Variants in TRDN observed in about 807,000 individuals in gnomAD.
TRDN encodes the protein triadin in skeletal muscle.
A neutral mutation model predicts 149.7 loss-of-function variants in TRDN; 161 were observed. The observed-to-expected ratio is 1.08, with a 90% CI of 0.95 to 1.23. The LOEUF is 1.23. Ranked by LOEUF, TRDN falls within the 50% of genes most tolerant of loss-of-function variation. The probability of loss-of-function intolerance (pLI) is 0.00; values close to 1 mark genes in which losing one functional copy is unlikely to be tolerated. For synonymous variants in TRDN, 294 were observed against 250.5 expected (o/e 1.17, Z -1.64); for missense variants, 896 against 823.5 (o/e 1.09, Z -1.08).
chr6:123,347,962 TGA>T (rs1349920620), intron 21 of TRDN, among the ~76,000 whole-genome samples: 3 of 152,056 alleles, frequency 2.0e-5, no homozygotes, highest in African/African-American at 7.2e-5. Context: ...ATTTCTTCTT[TGA>T]AGACCAAAGT....
intron 24 of TRDN, among the ~76,000 whole-genome samples, chr6:123,304,083 G>C (rs1187685382): frequency 1.3e-5 from 2 of 151,998 alleles, no homozygotes; most frequent in Non-Finnish European, 2.9e-5. Context: ...TGACTTCCAT[G>C]AGATAAGAGC....
intron 38 of TRDN, among the ~76,000 whole-genome samples, chr6:123,241,903 C>A (rs1458665830): frequency 6.6e-6 from 1 of 152,038 alleles, no homozygotes; most frequent in Non-Finnish European, 1.5e-5. Context: ...AAAGTTAAAC[C>A]TCCGCATACA....
chr6:123,260,749 T>C (rs1449140565), intron 33 of TRDN, 111 bp from the exon 34 acceptor site: 13 of 917,048 alleles, frequency 1.4e-5, no homozygotes, highest in African/African-American at 1.7e-5. Context: ...CTGATATTTC[T>C]TCCTAAATTA....
chr6:123,305,474 T>C (rs1047161378), intron 24 of TRDN, among the ~76,000 whole-genome samples: 6 of 152,148 alleles, frequency 3.9e-5, no homozygotes, highest in Non-Finnish European at 8.8e-5. Flanking sequence ...AGTGGTAAAA[T>C]GAGAACTGCT....
chr6:123,585,284 G>T (rs1240410092), intron 1 of TRDN, among the ~76,000 whole-genome samples: 1 of 151,904 alleles, frequency 6.6e-6, no homozygotes, highest in Non-Finnish European at 1.5e-5. Flanking sequence ...AACTGGGCAG[G>T]TGGGGATAAT....
intron 35 of TRDN, 127 bp from the exon 36 acceptor site, chr6:123,256,029 T>C: frequency 4.8e-6 from 2 of 412,606 alleles, no homozygotes; most frequent in Non-Finnish European, 7.6e-6. Flanking sequence ...CATGGTGGTT[T>C]GCTGCACCCG....
chr6:123,632,860 T>C (rs1786080753), intron 1 of TRDN, among the ~76,000 whole-genome samples: 1 of 152,040 alleles, frequency 6.6e-6, no homozygotes, highest in Admixed American at 6.6e-5. Flanking sequence ...TCTTGATTTT[T>C]TTTTTTTCTT....
chr6:123,323,171 A>C (rs1008973282), intron 23 of TRDN, among the ~76,000 whole-genome samples: 1 of 152,174 alleles, frequency 6.6e-6, no homozygotes, highest in Non-Finnish European at 1.5e-5. Context: ...CTGTCTCACT[A>C]TCCAAAACCC....
At chr6:123,366,625 C>G (rs916940424) in intron 19 of TRDN, among the ~76,000 whole-genome samples, 1 of 152,030 alleles carries the variant, frequency 6.6e-6, no homozygotes, top group Non-Finnish European at 1.5e-5. Flanking sequence ...TCAAGCAATT[C>G]CCCTGCCCCA....
At chr6:123,632,648 TCTC>T (rs970574025) in intron 1 of TRDN, among the ~76,000 whole-genome samples, 22 of 152,116 alleles carry the variant, frequency 1.4e-4, no homozygotes, top group African/African-American at 5.3e-4. Context: ...ATCAAGAACA[TCTC>T]CTGGAAGTGA....
intron 12 of TRDN, among the ~76,000 whole-genome samples, chr6:123,425,754 C>T (rs529372513): frequency 6.1e-4 from 92 of 151,912 alleles, no homozygotes; most frequent in African/African-American, 1.8e-3. Flanking sequence ...GATGAGAGAC[C>T]GGAAGGAGAA....
chr6:123,512,022 T>C (rs1348809273), intron 7 of TRDN, among the ~76,000 whole-genome samples: 2 of 145,412 alleles, frequency 1.4e-5, no homozygotes, highest in Non-Finnish European at 3.0e-5. Flanking sequence ...TAATATAACA[T>C]AGCCATAGGG....
At chr6:123,228,361 C>G (rs1775468072) in intron 38 of TRDN, among the ~76,000 whole-genome samples, 1 of 151,774 alleles carries the variant, frequency 6.6e-6, no homozygotes, top group Non-Finnish European at 1.5e-5. Flanking sequence ...AAAGAACTGC[C>G]CAAGATGGGT....
intron 7 of TRDN, 39 bp from the exon 8 acceptor site, chr6:123,503,940 T>C (rs1454965706): frequency 6.6e-7 from 1 of 1,509,952 alleles, no homozygotes; most frequent in South Asian, 1.3e-5. Flanking sequence ...CTTTTGTTTA[T>C]TTACAAACAT....
chr6:123,563,638 T>C (rs1249422933), intron 2 of TRDN, among the ~76,000 whole-genome samples: 5 of 152,198 alleles, frequency 3.3e-5, no homozygotes, highest in Non-Finnish European at 5.9e-5. Flanking sequence ...AGTCAAAATA[T>C]TATACTACTC....
chr6:123,528,645 A>G, intron 5 of TRDN: 2 of 986,296 alleles, frequency 2.0e-6, no homozygotes, highest in Non-Finnish European at 2.4e-6. Context: ...GGAACATGGC[A>G]TACAGAAAAC....
intron 1 of TRDN, among the ~76,000 whole-genome samples, chr6:123,587,826 G>A (rs1274766719): frequency 6.6e-6 from 1 of 152,036 alleles, no homozygotes; most frequent in Non-Finnish European, 1.5e-5. Flanking sequence ...GGGAGCTTTT[G>A]AGCCAGGATG....
intron 7 of TRDN, among the ~76,000 whole-genome samples, chr6:123,510,937 C>T (rs1423874729): frequency 1.3e-5 from 2 of 152,178 alleles, no homozygotes; most frequent in Admixed American, 1.3e-4. Context: ...AGCCACTGTG[C>T]CCAGCCAATT....
intron 9 of TRDN, among the ~76,000 whole-genome samples, chr6:123,467,178 T>C (rs1419684390): frequency 6.6e-6 from 1 of 152,032 alleles, no homozygotes; most frequent in South Asian, 2.1e-4. Context: ...TGATAGTGTG[T>C]TGAAGGAAAA....
Sources: gnomAD v4.1 joint callset for allele counts (sites outside exome capture counted in the v4.1 genomes callset) on GRCh38, gnomAD v4.1.1 for gene constraint, MANE v1.5 for transcripts, NCBI Gene and HGNC (gene_info 2026-07-23, HGNC 2026-07-21) for gene names.